The following TBC1D4 variants were observed in gnomAD, a reference collection of about 807,000 sequenced individuals.
TBC1D4 encodes the protein TBC1 domain family member 4.
In TBC1D4, 121 loss-of-function variants were observed where a neutral mutation model predicts 142.5. The observed-to-expected ratio is 0.85, with a 90% confidence interval of 0.73 to 0.99. TBC1D4 has a LOEUF of 0.99. Ranked by LOEUF, TBC1D4 falls within the 50% of genes least tolerant of loss-of-function variation. The probability of loss-of-function intolerance (pLI) is 0.00; values close to 1 mark genes in which losing one functional copy is unlikely to be tolerated. For missense variants in TBC1D4, 1,475 were observed against 1,606.6 expected (o/e 0.92, Z 1.40); for synonymous variants, 630 against 628.2 (o/e 1.00, Z -0.04).
chr13:75,362,399 C>A lies in TBC1D4; in HGVS notation c.707G>T (p.Arg236Leu). 6.2e-7 allele frequency: 1 copy of A among 1,614,212 alleles called. No homozygotes were observed. Among genetic ancestry groups the A allele is most frequent in the Non-Finnish European group, 8.5e-7 (1 of 1,180,048 alleles). The change falls in exon 2 of 21, where the codon CGC becomes CTC. Residue 236 changes from arginine (R) to leucine (L), a missense_variant. Transcript: ENST00000377636. This position sits in a 1 kb window ranked among gnomAD's most constrained non-coding sequence, Gnocchi z 4.2. The stretch of plus-strand genomic sequence containing the variant: ...GCGCTGCTCCCCTTGGATCTTCAGG[C>A]GCTGCTGTTCGTGCAGGCTGAACTT... The part of the protein sequence containing the change: ...MEKFSLHEQQ[R>L]LKIQGEQRGP...
At chr13:75,481,195 T>TGCCCCCCCCCCCCCCCCCC in intron 1 of TBC1D4, 75 bp downstream of exon 1, 1 of 1,292,708 alleles carries the variant, frequency 7.7e-7, no homozygotes, top group Non-Finnish European at 1.1e-6. Flanking sequence ...TAAAGTGGGG[T>TGCCCCCCCCCCCCCCCCCC]CCCCGCCCCT....
At chr13:75,422,074 G>A (rs1361648133) in intron 1 of TBC1D4, among the ~76,000 whole-genome samples, 2 of 152,218 alleles carry the variant, frequency 1.3e-5, no homozygotes, top group Non-Finnish European at 2.9e-5. Context: ...GATTACAGGT[G>A]TGAGCCACCA....
At chr13:75,439,363 T>C (rs1004227781) in intron 1 of TBC1D4, among the ~76,000 whole-genome samples, 2 of 152,216 alleles carry the variant, frequency 1.3e-5, no homozygotes, top group Non-Finnish European at 2.9e-5. Flanking sequence ...TACTTTATCA[T>C]CTGCCTGAAG....
chr13:75,413,244 C>T (rs1885755517), intron 1 of TBC1D4, among the ~76,000 whole-genome samples: 1 of 152,120 alleles, frequency 6.6e-6, no homozygotes, highest in Non-Finnish European at 1.5e-5. Flanking sequence ...TCACTGCAAC[C>T]TCCGTCTCCC....
chr13:75,375,461 C>T (rs568087783), intron 1 of TBC1D4: 3 of 152,258 alleles, frequency 2.0e-5, no homozygotes, highest in Admixed American at 1.3e-4. Context: ...TGAACCCAAT[C>T]GTTGGGATTG....
At chr13:75,456,719 A>G (rs560192736) in intron 1 of TBC1D4, among the ~76,000 whole-genome samples, 7 of 150,022 alleles carry the variant, frequency 4.7e-5, no homozygotes, top group Admixed American at 2.7e-4. Context: ...CTGGTCCAAC[A>G]CTCTGGAAAC....
At chr13:75,382,575 A>T (rs1190922641) in intron 1 of TBC1D4, among the ~76,000 whole-genome samples, 2 of 152,272 alleles carry the variant, frequency 1.3e-5, no homozygotes, top group African/African-American at 4.8e-5. Context: ...TATACATTAA[A>T]ATTTTAAAAC....
At chr13:75,328,014 A>G (rs1879423651) in intron 8 of TBC1D4, among the ~76,000 whole-genome samples, 188 bp from the exon 9 acceptor site, 1 of 152,170 alleles carries the variant, frequency 6.6e-6, no homozygotes, top group African/African-American at 2.4e-5. Context: ...ATCTATTTCC[A>G]TTATTTTTAA....
chr13:75,437,187 G>A (rs537903569), intron 1 of TBC1D4, among the ~76,000 whole-genome samples: 127 of 152,262 alleles, frequency 8.3e-4, no homozygotes, highest in Middle Eastern at 3.4e-3. Context: ...AATCTGAATG[G>A]GGTCTGTGGA....
At chr13:75,366,377 C>T (rs1882909577) in intron 1 of TBC1D4, among the ~76,000 whole-genome samples, 2 of 152,224 alleles carry the variant, frequency 1.3e-5, no homozygotes, top group South Asian at 2.1e-4. Context: ...AAGGTCTCAT[C>T]GAGATCCACA....
intron 1 of TBC1D4, among the ~76,000 whole-genome samples, chr13:75,429,396 G>A (rs989465642): frequency 2.0e-5 from 3 of 152,124 alleles, no homozygotes; most frequent in Admixed American, 6.5e-5. Flanking sequence ...GTCTTAATAT[G>A]GAACAGAACT....
At chr13:75,336,813 TTTTG>T (rs1289845763) in intron 8 of TBC1D4, 104 bp downstream of exon 8, 3 of 1,303,024 alleles carry the variant, frequency 2.3e-6, no homozygotes, top group Non-Finnish European at 3.2e-6. Flanking sequence ...TAGGTTTTTT[TTTTG>T]TTTGTTTTTT....
At chr13:75,411,786 C>A (rs1278802245) in intron 1 of TBC1D4, among the ~76,000 whole-genome samples, 1 of 152,106 alleles carries the variant, frequency 6.6e-6, no homozygotes, top group Non-Finnish European at 1.5e-5. Flanking sequence ...GATCCACCCG[C>A]CTCGGCCTCC....
chr13:75,388,124 A>C (rs1016520860), intron 1 of TBC1D4, among the ~76,000 whole-genome samples: 1 of 152,102 alleles, frequency 6.6e-6, no homozygotes, highest in Non-Finnish European at 1.5e-5. Flanking sequence ...CTCACATCAC[A>C]TCTCTCTGAC....
chr13:75,461,390 A>G (rs1887959551), intron 1 of TBC1D4, among the ~76,000 whole-genome samples: 1 of 152,244 alleles, frequency 6.6e-6, no homozygotes, highest in African/African-American at 2.4e-5. Context: ...GTGGATTTCA[A>G]TGATCATATG....
intron 4 of TBC1D4, among the ~76,000 whole-genome samples, chr13:75,349,714 G>C (rs1231063885): frequency 1.3e-5 from 2 of 152,122 alleles, no homozygotes; most frequent in African/African-American, 4.8e-5. Context: ...TTGTTAATAG[G>C]TATCCTATTT....
At chr13:75,380,550 T>TA (rs1311701166) in intron 1 of TBC1D4, among the ~76,000 whole-genome samples, 3 of 147,596 alleles carry the variant, frequency 2.0e-5, no homozygotes, top group Non-Finnish European at 4.5e-5. Flanking sequence ...TTTTTTTTTT[T>TA]AATCTTCAAG....
chr13:75,367,502 C>A (rs1882987899), intron 1 of TBC1D4, among the ~76,000 whole-genome samples: 1 of 149,572 alleles, frequency 6.7e-6, no homozygotes. Context: ...CTATAGTAGG[C>A]AGAGCAAGAT....
At chr13:75,367,117 T>A (rs573755933) in intron 1 of TBC1D4, 18 of 269,916 alleles carry the variant, frequency 6.7e-5, no homozygotes, top group East Asian at 3.5e-4. Flanking sequence ...GCTTCAAAAG[T>A]TAAGTATTTC....
Sources: gnomAD v4.1 joint callset for allele counts (sites outside exome capture counted in the v4.1 genomes callset) on GRCh38, gnomAD v4.1.1 for gene constraint, Gnocchi (gnomAD v3.1) non-coding constraint, MANE v1.5 for transcripts, NCBI Gene and HGNC (gene_info 2026-07-23, HGNC 2026-07-21) for gene names.